The following FRY variants were observed in gnomAD, a reference collection of about 807,000 sequenced individuals.
FRY encodes the protein protein furry homolog.
A neutral mutation model predicts 348.4 loss-of-function variants in FRY; 128 were observed. The ratio of observed to expected loss-of-function variants is 0.37; its 90% CI spans 0.32 to 0.43. The LOEUF (loss-of-function observed/expected upper bound fraction) is 0.43. Ranked by LOEUF, FRY falls within the 20% of genes least tolerant of loss-of-function variation. The pLI, the probability that FRY is intolerant of heterozygous loss-of-function variation, is 1.00. For missense variants in FRY, 2,736 were observed against 3,695.2 expected (o/e 0.74, Z 6.73); for synonymous variants, 1,370 against 1,374.7 (o/e 1.00, Z 0.08).
intron 11 of FRY, among the ~76,000 whole-genome samples, chr13:32,140,181 A>G (rs1200636591): frequency 6.6e-6 from 1 of 152,164 alleles, no homozygotes; most frequent in African/African-American, 2.4e-5. Context: ...CTGGAGATAC[A>G]TTATGAGCAG....
intron 3 of FRY, among the ~76,000 whole-genome samples, chr13:32,110,875 G>C (rs1877909111): frequency 6.6e-6 from 1 of 152,174 alleles, no homozygotes; most frequent in Admixed American, 6.5e-5. Context: ...CTCTGCAAAG[G>C]AGCATGTGTC....
intron 2 of FRY, among the ~76,000 whole-genome samples, chr13:32,081,524 C>CGTCTCT (rs1875493040): frequency 6.6e-6 from 1 of 152,128 alleles, no homozygotes; most frequent in Admixed American, 6.5e-5. Context: ...GGAGTTTCAC[C>CGTCTCT]ATGTTGGCCA....
chr13:32,056,542 CTTA>C (rs1312103981), intron 1 of FRY, among the ~76,000 whole-genome samples: 1 of 152,128 alleles, frequency 6.6e-6, no homozygotes, highest in East Asian at 1.9e-4. Context: ...GTTCCCTGCC[CTTA>C]TTATGGTTTC....
intron 1 of FRY, among the ~76,000 whole-genome samples, chr13:32,033,633 A>T (rs957304562): frequency 6.6e-6 from 1 of 152,240 alleles, no homozygotes; most frequent in African/African-American, 2.4e-5. Flanking sequence ...ACAATTTTGA[A>T]TTCTTCCAAT....
chr13:32,135,633 T>G (rs1354226694), intron 10 of FRY, among the ~76,000 whole-genome samples: 1 of 152,166 alleles, frequency 6.6e-6, no homozygotes, highest in Non-Finnish European at 1.5e-5. Context: ...GGAAGGATTA[T>G]CTGAAGGCTG....
intron 29 of FRY, among the ~76,000 whole-genome samples, chr13:32,197,937 T>C (rs1883776012): frequency 1.3e-5 from 2 of 151,598 alleles, no homozygotes; most frequent in African/African-American, 4.9e-5. Flanking sequence ...CACAGCTGTC[T>C]TTATCTTTTA....
intron 29 of FRY, among the ~76,000 whole-genome samples, chr13:32,199,237 G>A (rs1795849238): frequency 6.6e-6 from 1 of 152,186 alleles, no homozygotes; most frequent in Non-Finnish European, 1.5e-5. Flanking sequence ...TCCCAGAGAA[G>A]GCTTCAGATC....
At chr13:32,197,464 A>G (rs1883742656) in intron 29 of FRY, among the ~76,000 whole-genome samples, 1 of 152,142 alleles carries the variant, frequency 6.6e-6, no homozygotes, top group African/African-American at 2.4e-5. Flanking sequence ...ATTTCAGGAG[A>G]GCAGAGTTGG....
chr13:32,218,768 G>A lies in FRY; in HGVS notation c.4702G>A (p.Ala1568Thr), dbSNP rs1289114185. 6.2e-7 allele frequency: 1 copy of A among 1,601,090 alleles called. No individual in the cohort carries two copies. The highest frequency in any genetic ancestry group is 8.6e-7 in the Non-Finnish European group (1 of 1,169,224). The change falls in exon 36 of 61, where the codon GCC becomes ACC. Residue 1568 changes from alanine (A) to threonine (T), a missense_variant. By Grantham distance (58) the Ala-to-Thr change is moderately conservative (BLOSUM62 0). Around this residue, in one of 9 missense-constraint regions of FRY, gnomAD observed 794 missense variants for 977.0 expected, o/e 0.81. Transcript: ENST00000542859. ...TTGAAGGTTTAGTAATGTCATCAGA[G>A]CCCACACTCGCCTCGAGTCAAGATA... The part of the protein sequence containing the change: ...SDERFSNVIR[A>T]HTRLESRYSN...
At chr13:32,044,177 G>T (rs1429393601) in intron 1 of FRY, among the ~76,000 whole-genome samples, 5 of 152,112 alleles carry the variant, frequency 3.3e-5, no homozygotes, top group African/African-American at 1.2e-4. Flanking sequence ...TAGATGAAAT[G>T]CCCTTAATAT....
At chr13:32,137,982 T>C (rs1281692992) in intron 11 of FRY, among the ~76,000 whole-genome samples, 1 of 152,228 alleles carries the variant, frequency 6.6e-6, no homozygotes, top group Non-Finnish European at 1.5e-5. Flanking sequence ...AAATCCAAGA[T>C]TAGAATCATT....
intron 1 of FRY, among the ~76,000 whole-genome samples, chr13:32,069,876 C>G (rs891892787): frequency 6.6e-6 from 1 of 151,484 alleles, no homozygotes; most frequent in Non-Finnish European, 1.5e-5. Flanking sequence ...CCCCCACCCC[C>G]CAAGAGGCCC....
At chr13:32,113,724 C>T (rs759374486) in intron 3 of FRY, among the ~76,000 whole-genome samples, 4 of 152,212 alleles carry the variant, frequency 2.6e-5, no homozygotes, top group African/African-American at 9.6e-5. Context: ...CTCTGCTTCC[C>T]GTAAATGAAG....
intron 53 of FRY, 57 bp downstream of exon 53, chr13:32,262,532 C>T: frequency 4.6e-6 from 6 of 1,298,078 alleles, no homozygotes; most frequent in Non-Finnish European, 4.5e-6. Flanking sequence ...TAAAAAAAAA[C>T]ACTTCCAATT....
chr13:32,180,545 T>C (rs1278472890), intron 23 of FRY, among the ~76,000 whole-genome samples: 1 of 152,152 alleles, frequency 6.6e-6, no homozygotes, highest in African/African-American at 2.4e-5. Context: ...TCATTGATCT[T>C]TCTATAGGGC....
At chr13:32,198,565 C>G (rs1883825294) in intron 29 of FRY, among the ~76,000 whole-genome samples, 1 of 152,160 alleles carries the variant, frequency 6.6e-6, no homozygotes, top group Admixed American at 6.6e-5. Context: ...TGGGCTCCAC[C>G]ACTTCTACAT....
intron 41 of FRY, among the ~76,000 whole-genome samples, chr13:32,232,261 T>C (rs1481702318): frequency 6.6e-6 from 1 of 152,164 alleles, no homozygotes; most frequent in Non-Finnish European, 1.5e-5. Flanking sequence ...CATGAGAAAA[T>C]GTATAAATGC....
chr13:32,270,195 T>C (rs1430358011), intron 55 of FRY, among the ~76,000 whole-genome samples: 1 of 151,906 alleles, frequency 6.6e-6, no homozygotes, highest in Non-Finnish European at 1.5e-5. Context: ...TTATTAGTTA[T>C]ATTTTTCTAA....
intron 59 of FRY, among the ~76,000 whole-genome samples, chr13:32,290,319 A>G (rs1252859240): frequency 6.6e-6 from 1 of 152,208 alleles, no homozygotes; most frequent in Non-Finnish European, 1.5e-5. Context: ...GGTGCTGTAT[A>G]GTGGATACTA....
Sources: gnomAD v4.1 joint callset for allele counts (sites outside exome capture counted in the v4.1 genomes callset) on GRCh38, gnomAD v4.1.1 for gene constraint, gnomAD v4.1.1 regional missense constraint, MANE v1.5 for transcripts, NCBI Gene and HGNC (gene_info 2026-07-23, HGNC 2026-07-21) for gene names.